Variants in LTBP1 observed in about 807,000 individuals in gnomAD.
The protein encoded by LTBP1 is latent transforming growth factor beta binding protein 1, also known as latent-transforming growth factor beta-binding protein 1.
A neutral mutation model predicts 207.6 loss-of-function variants in LTBP1; 129 were observed. The ratio of observed to expected loss-of-function variants is 0.62; its 90% CI spans 0.54 to 0.72. The LOEUF is 0.72. Among genes scored for constraint, LTBP1 ranks in the 30% least tolerant of loss-of-function variants. The probability of loss-of-function intolerance (pLI) is 0.00; values close to 1 mark genes in which losing one functional copy is unlikely to be tolerated. For missense variants in LTBP1, 2,281 were observed against 2,217.2 expected (o/e 1.03, Z -0.58); for synonymous variants, 963 against 833.7 (o/e 1.16, Z -2.67).
intron 3 of LTBP1, among the ~76,000 whole-genome samples, chr2:33,059,919 G>A (rs186366837): frequency 1.8e-4 from 27 of 152,304 alleles, no homozygotes; most frequent in Admixed American, 1.4e-3. Context: ...AGGAAGACAA[G>A]CTATTTCTAG....
chr2:32,968,301 G>A (rs1680301561), intron 2 of LTBP1, among the ~76,000 whole-genome samples: 1 of 152,132 alleles, frequency 6.6e-6, no homozygotes, highest in African/African-American at 2.4e-5. Context: ...TTGGTGCTCT[G>A]TCATTAGGTG....
intron 6 of LTBP1, 61 bp from the exon 7 acceptor site, chr2:33,188,516 A>G: frequency 7.2e-6 from 10 of 1,396,754 alleles, no homozygotes; most frequent in Non-Finnish European, 9.8e-6. Context: ...CATGTTTTAA[A>G]ACTTTTGATT....
chr2:33,214,108 A>C (rs966837369), intron 7 of LTBP1, among the ~76,000 whole-genome samples: 1 of 152,240 alleles, frequency 6.6e-6, no homozygotes, highest in Non-Finnish European at 1.5e-5. Flanking sequence ...AGATGAACCT[A>C]AAGAGTCCAG....
At chr2:33,321,344 CG>C (rs1013442516) in intron 24 of LTBP1, among the ~76,000 whole-genome samples, 21 of 152,012 alleles carry the variant, frequency 1.4e-4, no homozygotes, top group Non-Finnish European at 2.5e-4. Flanking sequence ...AAATGGAAAC[CG>C]GTAAAAATTG....
intron 31 of LTBP1, among the ~76,000 whole-genome samples, chr2:33,376,277 G>A (rs1051500863): frequency 6.6e-6 from 1 of 152,192 alleles, no homozygotes; most frequent in Admixed American, 6.5e-5. Flanking sequence ...GAAGTTGCAA[G>A]GCCTGTCAGG....
chr2:33,393,627 T>G (rs1463829247), intron 32 of LTBP1, among the ~76,000 whole-genome samples: 4 of 152,182 alleles, frequency 2.6e-5, no homozygotes, highest in African/African-American at 9.7e-5. Context: ...GAACTCATCA[T>G]TTTTTATGGC....
At chr2:33,035,887 A>G (rs1010614201) in intron 3 of LTBP1, among the ~76,000 whole-genome samples, 43 of 152,362 alleles carry the variant, frequency 2.8e-4, no homozygotes, top group African/African-American at 1.0e-3. Context: ...GAAGAAATAA[A>G]AACACTGTTG....
chr2:33,158,164 AAGAG>A (rs760849981), intron 5 of LTBP1, among the ~76,000 whole-genome samples: 243 of 102,796 alleles, frequency 2.4e-3, no homozygotes, highest in Non-Finnish European at 4.3e-3. Context: ...AAAAAAAAAA[AAGAG>A]AGAGAGAGAG....
chr2:33,095,942 C>A (rs2079361157), intron 3 of LTBP1, among the ~76,000 whole-genome samples: 1 of 151,840 alleles, frequency 6.6e-6, no homozygotes, highest in African/African-American at 2.4e-5. Flanking sequence ...AAGAAGAGAG[C>A]AAATGTAACA....
At chr2:33,049,940 C>G (rs1384691195) in intron 3 of LTBP1, among the ~76,000 whole-genome samples, 1 of 151,640 alleles carries the variant, frequency 6.6e-6, no homozygotes, top group Admixed American at 6.6e-5. Flanking sequence ...CTCCTGGGCT[C>G]AAGCGATCCT....
In LTBP1 at chr2:32,947,577, C is replaced by T. The variant is rs1676374836; in HGVS notation, c.253C>T (p.Arg85Trp). 7.5e-7 allele frequency: 1 copy of T among 1,327,142 alleles called. No individual in the cohort carries two copies. The highest frequency in any genetic ancestry group is 3.2e-5 in the East Asian group (1 of 31,220). The allele number at this position is 1,327,142 out of a possible 1,614,324, so 82.2% of individuals were successfully genotyped here. ...CCCCGGGGTCCCCTCGGAGAGGACC[C>T]GGCGCACGAGCAAGCCGGGCGGCGC... Reference protein sequence around the residue: ...ASPGVPSERTRRTSKPGGAAL... With the variant: ...ASPGVPSERTWRTSKPGGAAL... Residue 85 changes from arginine (R) to tryptophan (W), a missense_variant, in exon 1 of 34, where the codon CGG (arginine) becomes TGG (tryptophan). Arg to Trp is a moderately radical substitution (Grantham distance 101, BLOSUM62 -3). This residue lies in a region of LTBP1 where 555 missense variants were observed against 491.0 expected (regional missense o/e 1.13). Transcript: ENST00000404816.
chr2:33,345,145 T>C (rs1321697570), intron 25 of LTBP1, among the ~76,000 whole-genome samples: 1 of 152,266 alleles, frequency 6.6e-6, no homozygotes, highest in African/African-American at 2.4e-5. Flanking sequence ...AGTGAGCACC[T>C]GCCCCATTAT....
At chr2:33,065,012 A>T (rs1380102644) in intron 3 of LTBP1, among the ~76,000 whole-genome samples, 2 of 152,218 alleles carry the variant, frequency 1.3e-5, no homozygotes, top group Non-Finnish European at 2.9e-5. Context: ...TTATTTTACC[A>T]ATCAGTATAA....
intron 2 of LTBP1, among the ~76,000 whole-genome samples, chr2:32,989,107 G>A (rs1238873657): frequency 1.3e-5 from 2 of 152,152 alleles, no homozygotes; most frequent in African/African-American, 4.8e-5. Context: ...TGCTATAACG[G>A]AGTCCCTTAT....
chr2:33,229,709 CGG>C (rs573739919), intron 9 of LTBP1, among the ~76,000 whole-genome samples: 39 of 152,238 alleles, frequency 2.6e-4, no homozygotes, highest in Admixed American at 2.2e-3. Context: ...TCTGTCGGTA[CGG>C]CTGACTGACC....
At chr2:33,058,112 A>T (rs1270189015) in intron 3 of LTBP1, among the ~76,000 whole-genome samples, 2 of 152,180 alleles carry the variant, frequency 1.3e-5, no homozygotes, top group African/African-American at 4.8e-5. Context: ...TTCTCAATTC[A>T]TTGCGGGCCA....
rs752433122 is a variant in LTBP1, at chr2:33,186,999, C to A, written c.1345C>A (p.Pro449Thr). ...TAAACTTTATCAGCATTCCCAGCAG[C>A]CAGGCAAGGCGTTGGGGACGCATGT... ...VPKLYQHSQQ[P>T]GKALGTHVIH... Residue 449 changes from proline to threonine, a missense_variant, in exon 6 of 34, where the codon CCA (proline) becomes ACA (threonine). Pro to Thr is a conservative substitution (Grantham distance 38). Around this residue, in one of 3 missense-constraint regions of LTBP1, gnomAD observed 1,671 missense variants for 1,634.8 expected, o/e 1.02. Coordinates refer to ENST00000404816, the MANE Select transcript of LTBP1 (RefSeq NM_206943.4). 20 of 1,614,180 alleles carry A rather than the reference C, an allele frequency of 1.2e-5. No individual in the cohort carries two copies. Among genetic ancestry groups the A allele is most frequent in the Non-Finnish European group, 1.7e-5 (20 of 1,180,028 alleles).
Position 33,342,956 on chromosome 2 carries a change from G to A in LTBP1, c.3849G>A (p.Gly1283=), listed in dbSNP as rs1414752134. 1.2e-6 allele frequency: 2 copies of A among 1,610,586 alleles called. No homozygotes were observed. The highest frequency in any genetic ancestry group is 1.7e-5 in the Admixed American group (1 of 59,258). ...TTCAAGCCCCACAGGATGGGCAAGG[G>A]TGTGTGGGTGAGTTTTTAGATTTTT... The part of the protein sequence containing the change: ...QGFQAPQDGQ[G]CVDVNECELL... The change falls in exon 25 of 34, where the codon GGG becomes GGA. Residue 1283 remains glycine (G), a synonymous_variant. Transcript: ENST00000404816.
rs536735680 is a variant in LTBP1, at chr2:33,347,081, G to A, written c.3857-286G>A. On this transcript the variant is annotated intron_variant, in intron 25 of 33. Coordinates refer to ENST00000404816, the MANE Select transcript of LTBP1 (RefSeq NM_206943.4). ...TGCAGTGAGCCGAGATCGCGCCTCT[G>A]CACTCCAGCCTGGGCGACAGAGCGA... 7.3e-4 allele frequency among the ~76,000 whole-genome samples: 97 copies of A among 133,100 alleles called. 1 individual carries two copies. The highest frequency in any genetic ancestry group is 9.3e-3 in the Middle Eastern group (2 of 214). 87.3% of individuals were successfully genotyped at this position (133,100 alleles called of 152,430 possible).
Sources: allele counts gnomAD v4.1 joint callset (sites outside exome capture counted in the v4.1 genomes callset), GRCh38; gene constraint gnomAD v4.1.1; regional missense constraint gnomAD v4.1.1; transcripts MANE v1.5; gene names NCBI Gene and HGNC (gene_info 2026-07-23, HGNC 2026-07-21).